The following MINDY3 variants were observed in gnomAD, a reference collection of about 807,000 sequenced individuals.
MINDY3 encodes the protein ubiquitin carboxyl-terminal hydrolase MINDY-3.
Under a neutral mutation model 69.2 loss-of-function variants are expected in MINDY3, and 38 were observed. The ratio of observed to expected loss-of-function variants is 0.55; its 90% CI spans 0.42 to 0.72. MINDY3 has a LOEUF of 0.72. Ranked by LOEUF, MINDY3 falls within the 30% of genes least tolerant of loss-of-function variation. MINDY3 has a pLI of 0.00. For missense variants in MINDY3, 522 were observed against 519.0 expected, an observed-to-expected ratio of 1.01 and a Z score of -0.06; for synonymous variants, 192 against 180.1, an observed-to-expected ratio of 1.07 and a Z score of -0.53.
intron 4 of MINDY3, 48 bp from the exon 5 acceptor site, chr10:15,838,327 C>A: frequency 1.3e-6 from 2 of 1,485,712 alleles, no homozygotes; most frequent in South Asian, 1.3e-5. Flanking sequence ...AAATAAATGA[C>A]ACAAGATACA....
intron 8 of MINDY3, among the ~76,000 whole-genome samples, chr10:15,829,336 C>A (rs762794375): frequency 1.3e-5 from 2 of 152,174 alleles, no homozygotes; most frequent in Admixed American, 1.3e-4. Flanking sequence ...TTAACCCTGA[C>A]TACACAATAT....
At chr10:15,814,981 C>T (rs1197063063) in intron 10 of MINDY3, among the ~76,000 whole-genome samples, 1 of 152,124 alleles carries the variant, frequency 6.6e-6, no homozygotes, top group African/African-American at 2.4e-5. Flanking sequence ...TCTTAAACAT[C>T]AATTATAAAA....
intron 13 of MINDY3, among the ~76,000 whole-genome samples, chr10:15,785,939 T>G (rs1836925705): frequency 6.6e-6 from 1 of 152,196 alleles, no homozygotes; most frequent in Admixed American, 6.5e-5. Flanking sequence ...GTTATCTAGT[T>G]AAGTAATTTG....
rs1203592476 is a variant in MINDY3 at position 15,786,757 on chromosome 10, T to G, written c.1029-109A>C. 5 of 693,048 alleles carry G rather than the reference T, an allele frequency of 7.2e-6. No homozygotes were observed. In the African/African-American group the frequency reaches 9.0e-5, roughly 13 times the overall value. 42.9% of individuals were successfully genotyped at this position (693,048 alleles called of 1,614,324 possible). A position where few individuals can be genotyped will look rare whatever the true frequency, so the allele number is the denominator to read the frequency against. On this transcript the variant is annotated intron_variant, in intron 12 of 14. Coordinates refer to ENST00000277632, the MANE Select transcript of MINDY3 (RefSeq NM_024948.4). ...CAACACATTCGGCTGCCAAAAACAC[T>G]AAGAGCTGTTCTTTTTAGAACCTTA...
At chr10:15,811,121 G>T (rs991689835) in intron 10 of MINDY3, among the ~76,000 whole-genome samples, 2 of 151,834 alleles carry the variant, frequency 1.3e-5, no homozygotes, top group African/African-American at 4.8e-5. Context: ...CACAAGCTTC[G>T]ACTTCTAAAG....
chr10:15,860,411 A>G lies in MINDY3; in HGVS notation c.-112T>C. ...GGACGGCGGCGGCAAACGAATTGGA[A>G]GGTGAGGCAGGAAAGAAGAAGGGGC... On this transcript the variant is annotated 5_prime_UTR_variant, in exon 1 of 15. Coordinates refer to ENST00000277632, the MANE Select transcript of MINDY3 (RefSeq NM_024948.4). 1 of 778,040 alleles carries G rather than the reference A, an allele frequency of 1.3e-6. No homozygotes were observed. 48.2% of individuals were successfully genotyped at this position (778,040 alleles called of 1,614,324 possible). A position where few individuals can be genotyped will look rare whatever the true frequency, so the allele number is the denominator to read the frequency against.
chr10:15,834,614 G>A lies in MINDY3; in HGVS notation c.579C>T (p.Gly193=), dbSNP rs746512104. The A allele has an allele frequency of 6.2e-7, 1 of 1,603,866 alleles. No individual in the cohort carries two copies. The highest frequency in any genetic ancestry group is 1.1e-5 in the South Asian group (1 of 90,662). ...LFLYSVLLTK[G]IENIKNEIED... Reference sequence around the variant, plus strand: ...CAATTTCGTTTTTTATGTTTTCAATGCCCTAAAGAAACAGAATTCATTGAC... The same window carrying A: ...CAATTTCGTTTTTTATGTTTTCAATACCCTAAAGAAACAGAATTCATTGAC... The change falls in exon 7 of 15, where the codon GGC becomes GGT. Residue 193 remains glycine, a splice_region_variant and synonymous_variant. Transcript: ENST00000277632.
chr10:15,795,001 C>T (rs1837700861), intron 11 of MINDY3, among the ~76,000 whole-genome samples: 1 of 10,438 alleles, frequency 9.6e-5, no homozygotes, highest in South Asian at 0.01. Flanking sequence ...AAGTCATTCA[C>T]TCCGTTTCAA....
intron 1 of MINDY3, among the ~76,000 whole-genome samples, chr10:15,852,032 ATT>A (rs1834336142): frequency 6.6e-6 from 1 of 152,052 alleles, no homozygotes; most frequent in South Asian, 2.1e-4. Flanking sequence ...ATAAATCCTT[ATT>A]TTTCAGGTCT....
intron 11 of MINDY3, among the ~76,000 whole-genome samples, chr10:15,791,236 G>GACTT (rs1837387867): frequency 6.6e-6 from 1 of 151,928 alleles, no homozygotes; most frequent in East Asian, 1.9e-4. Context: ...CTTTGTAGAA[G>GACTT]ACTTACTTTG....
chr10:15,786,557 T>C lies in MINDY3; in HGVS notation c.1116+4A>G. 6.7e-7 allele frequency: 1 copy of C among 1,493,510 alleles called. No individual in the cohort carries two copies. The highest frequency in any genetic ancestry group is 1.7e-5 in the Admixed American group (1 of 57,554). The allele number at this position is 1,493,510 out of a possible 1,614,324, so 92.5% of individuals were successfully genotyped here. ...CAATGAATATATTTCCTCAACTATG[T>C]TACCTGATCAGGAAAAAATTCTTGA... On this transcript the variant is annotated splice_donor_region_variant and intron_variant, in intron 13 of 14. Coordinates refer to ENST00000277632, the MANE Select transcript of MINDY3 (RefSeq NM_024948.4).
At chr10:15,855,510 C>T (rs142607461) in intron 1 of MINDY3, among the ~76,000 whole-genome samples, 5 of 152,186 alleles carry the variant, frequency 3.3e-5, no homozygotes, top group South Asian at 2.1e-4. Context: ...CCTAATCCTA[C>T]GTAGACAATT....
chr10:15,848,891 A>G (rs2132122450), intron 1 of MINDY3, among the ~76,000 whole-genome samples: 1 of 152,104 alleles, frequency 6.6e-6, no homozygotes, highest in East Asian at 1.9e-4. Flanking sequence ...CCAATTCCAA[A>G]ATGCTAAGAA....
chr10:15,841,727 T>C (rs1267654759), intron 3 of MINDY3, 128 bp from the exon 4 acceptor site: 1 of 525,596 alleles, frequency 1.9e-6, no homozygotes. Flanking sequence ...GAAAAATCTC[T>C]AAATAGATTT....
intron 10 of MINDY3, among the ~76,000 whole-genome samples, chr10:15,805,886 G>T (rs1838605231): frequency 6.6e-6 from 1 of 152,162 alleles, no homozygotes; most frequent in South Asian, 2.1e-4. Flanking sequence ...TAAGCTTTGG[G>T]CTGGGTGTGT....
chr10:15,825,102 A>T (rs1444051220), intron 8 of MINDY3, among the ~76,000 whole-genome samples: 1 of 152,200 alleles, frequency 6.6e-6, no homozygotes, highest in Admixed American at 6.5e-5. Flanking sequence ...ATTTTCAAGT[A>T]TTCCTAATCT....
rs763561663 is a variant in MINDY3 at position 15,782,231 on chromosome 10, T to G, written c.1117-5A>C. 31 of 1,587,214 alleles carry G rather than the reference T, an allele frequency of 2.0e-5. No individual in the cohort carries two copies. Among genetic ancestry groups the G allele is most frequent in the Non-Finnish European group, 2.3e-5 (27 of 1,159,898 alleles). ...AGATTCTGGACCACTGGAGCCCTATTATAAATAAAGGACTATTAACACTTT... is the reference window on the plus strand; with the variant it reads ...AGATTCTGGACCACTGGAGCCCTATGATAAATAAAGGACTATTAACACTTT... On this transcript the variant is annotated splice_polypyrimidine_tract_variant and splice_region_variant and intron_variant, in intron 13 of 14. Transcript: ENST00000277632.
chr10:15,819,762 G>A (rs1839629281), intron 9 of MINDY3, among the ~76,000 whole-genome samples: 1 of 152,138 alleles, frequency 6.6e-6, no homozygotes. Flanking sequence ...GTTTTGTTGT[G>A]CCATTAGCAG....
In MINDY3 at chr10:15,838,272, C is replaced by A; in HGVS notation, c.417G>T (p.Leu139Phe). ...GCTCAAAGCCAAGCTCTTCGACAGCCAAGGCAGCTATACATAAAAGACACT... is the reference window on the plus strand; with the variant it reads ...GCTCAAAGCCAAGCTCTTCGACAGCAAAGGCAGCTATACATAAAAGACACT... ...SSCQVEHSSALAVEELGFERF... is the reference protein window; with the variant it reads ...SSCQVEHSSAFAVEELGFERF... The change falls in exon 5 of 15, where the codon TTG becomes TTT. Residue 139 changes from leucine to phenylalanine, a missense_variant. Coordinates refer to ENST00000277632, the MANE Select transcript of MINDY3 (RefSeq NM_024948.4). 6.2e-7 allele frequency: 1 copy of A among 1,602,638 alleles called. No individual in the cohort carries two copies. Among genetic ancestry groups the A allele is most frequent in the Non-Finnish European group, 8.5e-7 (1 of 1,175,628 alleles).
Sources: gnomAD v4.1 joint callset for allele counts (sites outside exome capture counted in the v4.1 genomes callset) on GRCh38, gnomAD v4.1.1 for gene constraint, MANE v1.5 for transcripts, NCBI Gene and HGNC (gene_info 2026-07-23, HGNC 2026-07-21) for gene names.